The following RTN1 variants were observed in gnomAD, a reference collection of about 807,000 sequenced individuals.
RTN1 encodes reticulon-1.
RTN1 carries 25 observed loss-of-function variants against 65.5 expected under a neutral mutation model. That is an observed-to-expected ratio of 0.38 (90% CI 0.28 to 0.53). RTN1 has a LOEUF of 0.53. Ranked by LOEUF, RTN1 falls within the 20% of genes least tolerant of loss-of-function variation. The probability of loss-of-function intolerance (pLI) is 0.79; values close to 1 mark genes in which losing one functional copy is unlikely to be tolerated. For missense variants in RTN1, 983 were observed against 1,025.4 expected (o/e 0.96, Z 0.57); for synonymous variants, 471 against 447.6 (o/e 1.05, Z -0.66).
rs1369563767 is a variant in RTN1 at position 59,766,244 on chromosome 14, T to C, written c.242-19763A>G. On this transcript the variant is annotated intron_variant, in intron 1 of 8. Coordinates refer to ENST00000267484, the MANE Select transcript of RTN1 (RefSeq NM_021136.3). This position sits in a 1 kb window ranked among gnomAD's most constrained non-coding sequence, Gnocchi z 4.4. ...GACGCTGTCAAAAAAAAAAAATTCATTAACAATTACCTAGAATTTAATCTG... is the reference window on the plus strand; with the variant it reads ...GACGCTGTCAAAAAAAAAAAATTCACTAACAATTACCTAGAATTTAATCTG... 6.6e-6 allele frequency among the ~76,000 whole-genome samples: 1 copy of C among 151,574 alleles called. No homozygotes were observed. The highest frequency in any genetic ancestry group is 6.6e-5 in the Admixed American group (1 of 15,188).
intron 3 of RTN1, among the ~76,000 whole-genome samples, chr14:59,629,846 G>T (rs1003750132): frequency 6.6e-6 from 1 of 152,162 alleles, no homozygotes; most frequent in Non-Finnish European, 1.5e-5. Flanking sequence ...AGTAGTCACA[G>T]GTTACTCCAA....
chr14:59,643,179 T>C (rs111755406), intron 3 of RTN1, among the ~76,000 whole-genome samples: 1 of 152,018 alleles, frequency 6.6e-6, no homozygotes, highest in South Asian at 2.1e-4. Flanking sequence ...GAGGCCAAAG[T>C]GGGAAGACTG....
At chr14:59,757,760 C>T (rs1885668869) in intron 1 of RTN1, among the ~76,000 whole-genome samples, 1 of 152,156 alleles carries the variant, frequency 6.6e-6, no homozygotes, top group African/African-American at 2.4e-5. Context: ...ACTTTCTAGA[C>T]TCCAGAACTG....
At position 59,645,397 on chromosome 14, in the gene RTN1, A is replaced by ACATG. The variant is rs1566671158; in HGVS notation, c.1766-37906_1766-37905insCATG. 2.9e-4 allele frequency among the ~76,000 whole-genome samples: 43 copies of ACATG among 146,710 alleles called. 1 individual carries two copies. The highest frequency in any genetic ancestry group is 1.3e-3 in the South Asian group (6 of 4,794). On this transcript the variant is annotated intron_variant, in intron 3 of 8. Coordinates refer to ENST00000267484, the MANE Select transcript of RTN1 (RefSeq NM_021136.3). Reference sequence around the variant, plus strand: ...TATGTTTGTTACATGTTTTCTATATATTACATGTTTTCTATATGTTACATG... The same window carrying ACATG: ...TATGTTTGTTACATGTTTTCTATATACATGTTACATGTTTTCTATATGTTACATG...
At chr14:59,606,571 C>T (rs1442807230) in intron 4 of RTN1, among the ~76,000 whole-genome samples, 1 of 152,176 alleles carries the variant, frequency 6.6e-6, no homozygotes, top group East Asian at 1.9e-4. Flanking sequence ...CAACAGAATC[C>T]TACCCTGCTG....
chr14:59,613,524 T>G (rs898200008), intron 3 of RTN1, among the ~76,000 whole-genome samples: 3 of 152,148 alleles, frequency 2.0e-5, no homozygotes, highest in African/African-American at 7.2e-5. Flanking sequence ...GATCTTGAAC[T>G]CCTGATCCTG....
intron 3 of RTN1, among the ~76,000 whole-genome samples, chr14:59,682,970 G>C (rs925015817): frequency 6.6e-6 from 1 of 152,102 alleles, no homozygotes; most frequent in African/African-American, 2.4e-5. Flanking sequence ...ACCTAGGGGA[G>C]TGACATTTTG....
At chr14:59,764,146 G>C (rs905611060) in intron 1 of RTN1, among the ~76,000 whole-genome samples, 2 of 152,134 alleles carry the variant, frequency 1.3e-5, no homozygotes, top group African/African-American at 4.8e-5. Context: ...ACTCAGGCCA[G>C]AGGGAGTGGT....
chr14:59,681,389 A>G (rs1318809415), intron 3 of RTN1, among the ~76,000 whole-genome samples: 1 of 152,194 alleles, frequency 6.6e-6, no homozygotes, highest in Non-Finnish European at 1.5e-5. Context: ...ATCTTAAAAA[A>G]TGGTAATTTG....
At chr14:59,776,684 C>T (rs1045610413) in intron 1 of RTN1, among the ~76,000 whole-genome samples, 1 of 152,064 alleles carries the variant, frequency 6.6e-6, no homozygotes, top group Non-Finnish European at 1.5e-5. Context: ...TGGGGCCTTC[C>T]CCTTACCCTC....
chr14:59,793,940 C>A (rs1364705730), intron 1 of RTN1, among the ~76,000 whole-genome samples: 1 of 152,046 alleles, frequency 6.6e-6, no homozygotes, highest in Non-Finnish European at 1.5e-5. Context: ...CACATAAGGC[C>A]CCATGCTCTT....
At chr14:59,624,555 G>T (rs1490530264) in intron 3 of RTN1, among the ~76,000 whole-genome samples, 1 of 151,568 alleles carries the variant, frequency 6.6e-6, no homozygotes, top group Non-Finnish European at 1.5e-5. Flanking sequence ...TCTGCCCCCT[G>T]GGTTCAAGCA....
chr14:59,597,459 G>C (rs1402769347), intron 8 of RTN1, among the ~76,000 whole-genome samples: 1 of 152,232 alleles, frequency 6.6e-6, no homozygotes, highest in Non-Finnish European at 1.5e-5. Context: ...GTTTACACTG[G>C]AAGTGTTTTG....
intron 1 of RTN1, among the ~76,000 whole-genome samples, chr14:59,842,002 T>G (rs1351410228): frequency 6.6e-6 from 1 of 151,954 alleles, no homozygotes; most frequent in Non-Finnish European, 1.5e-5. Flanking sequence ...GGTGCGTGCC[T>G]GTAGTCCCAG....
chr14:59,820,356 G>GCTTTTTT (rs369129789), intron 1 of RTN1, among the ~76,000 whole-genome samples: 1 of 79,354 alleles, frequency 1.3e-5, no homozygotes, highest in African/African-American at 4.7e-5. Context: ...CTTATTGATA[G>GCTTTTTT]TTTTTTTTTT....
chr14:59,795,658 G>C (rs957935356), intron 1 of RTN1, among the ~76,000 whole-genome samples: 1 of 152,158 alleles, frequency 6.6e-6, no homozygotes, highest in Non-Finnish European at 1.5e-5. Flanking sequence ...TTCACCTCTA[G>C]AGTTTTAAAA....
rs183209226 is a variant in RTN1, at chr14:59,781,687, T to C, written c.242-35206A>G. Among the ~76,000 whole-genome samples, 223 of 152,278 alleles carry C rather than the reference T, an allele frequency of 1.5e-3. 1 individual carries two copies. In the Middle Eastern group the frequency reaches 0.02, roughly 14 times the overall value. ...CCCATATTTCCATTATTATTTGCCA[T>C]TGAGATGTTTACAAATGATAAGAAA... is the stretch of plus-strand genomic sequence containing the variant. On this transcript the variant is annotated intron_variant, in intron 1 of 8. Transcript: ENST00000267484.
chr14:59,833,215 T>C (rs1373278997), intron 1 of RTN1, among the ~76,000 whole-genome samples: 1 of 152,188 alleles, frequency 6.6e-6, no homozygotes, highest in African/African-American at 2.4e-5. Context: ...ATAAGATACA[T>C]CTGGGTTAAC....
chr14:59,832,519 A>G (rs772274745), intron 1 of RTN1, among the ~76,000 whole-genome samples: 46 of 152,198 alleles, frequency 3.0e-4, no homozygotes, highest in Non-Finnish European at 6.0e-4. Flanking sequence ...CCAGAGGACA[A>G]TGCATTTGTT....
Sources: allele counts gnomAD v4.1 joint callset (sites outside exome capture counted in the v4.1 genomes callset), GRCh38; gene constraint gnomAD v4.1.1; non-coding constraint Gnocchi (gnomAD v3.1); transcripts MANE v1.5; gene names NCBI Gene and HGNC (gene_info 2026-07-23, HGNC 2026-07-21).